Variants in MARCHF4 observed in about 807,000 individuals in gnomAD.
The protein encoded by MARCHF4 is membrane associated ring-CH-type finger 4, also known as E3 ubiquitin-protein ligase MARCHF4.
A neutral mutation model predicts 43.9 loss-of-function variants in MARCHF4; 14 were observed. The observed-to-expected ratio is 0.32, with a 90% CI of 0.21 to 0.50. The LOEUF (loss-of-function observed/expected upper bound fraction) is 0.50. Ranked by LOEUF, MARCHF4 falls within the 20% of genes least tolerant of loss-of-function variation. The probability of loss-of-function intolerance (pLI) is 0.98; values close to 1 mark genes in which losing one functional copy is unlikely to be tolerated. For synonymous variants in MARCHF4, 226 were observed against 213.3 expected, an observed-to-expected ratio of 1.06 and a Z score of -0.52; for missense variants, 468 against 536.7, an observed-to-expected ratio of 0.87 and a Z score of 1.27.
In MARCHF4 at chr2:216,369,645, C is replaced by T. The variant is rs1169056121; in HGVS notation, c.516+100G>A. On this transcript the variant is annotated intron_variant, in intron 1 of 3. Coordinates refer to ENST00000273067, the MANE Select transcript of MARCHF4 (RefSeq NM_020814.3). ...GGCTCTTAAACATAGAGTCCTCATA[C>T]TAAAGACAATATAACCGTTCCCCAG... The T allele has an allele frequency of 6.1e-6, 6 of 988,854 alleles. No individual in the cohort carries two copies. In the East Asian group the frequency reaches 1.5e-4, roughly 24 times the overall value. The allele number at this position is 988,854 out of a possible 1,614,324, so 61.3% of individuals were successfully genotyped here. A position where few individuals can be genotyped will look rare whatever the true frequency, so the allele number is the denominator to read the frequency against.
chr2:216,340,153 C>T (rs1302646911), intron 1 of MARCHF4, among the ~76,000 whole-genome samples: 1 of 152,170 alleles, frequency 6.6e-6, no homozygotes, highest in African/African-American at 2.4e-5. Context: ...CTGTTCAGAC[C>T]CATCCAATCC....
At chr2:216,349,392 C>T (rs911497830) in intron 1 of MARCHF4, among the ~76,000 whole-genome samples, 17 of 152,206 alleles carry the variant, frequency 1.1e-4, no homozygotes, top group African/African-American at 3.6e-4. Context: ...TGAGCCTCTG[C>T]GATTGCTAGG....
intron 1 of MARCHF4, among the ~76,000 whole-genome samples, chr2:216,307,881 A>C (rs1401102864): frequency 6.6e-6 from 1 of 152,040 alleles, no homozygotes; most frequent in African/African-American, 2.4e-5. Flanking sequence ...CCCTATCTCT[A>C]CAGAAAAATT....
At chr2:216,360,573 A>G (rs549496499) in intron 1 of MARCHF4, among the ~76,000 whole-genome samples, 8 of 152,270 alleles carry the variant, frequency 5.3e-5, no homozygotes, top group Non-Finnish European at 1.0e-4. Context: ...GAAAAGGCCA[A>G]ATATTTTGCC....
chr2:216,298,949 A>T (rs1463865485), intron 1 of MARCHF4, among the ~76,000 whole-genome samples: 1 of 152,168 alleles, frequency 6.6e-6, no homozygotes, highest in African/African-American at 2.4e-5. Flanking sequence ...CTTCAGGAGG[A>T]TGACACAAAT....
At chr2:216,297,789 A>G (rs1460690841) in intron 1 of MARCHF4, among the ~76,000 whole-genome samples, 1 of 151,966 alleles carries the variant, frequency 6.6e-6, no homozygotes, top group Non-Finnish European at 1.5e-5. Context: ...GTAAGCCACC[A>G]CACCCCTCCC....
rs2287562 is a variant in MARCHF4 at position 216,277,749 on chromosome 2, G to C, written c.788C>G (p.Ser263Trp). 7 of 1,614,160 alleles carry C rather than the reference G, an allele frequency of 4.3e-6. No homozygotes were observed. Among genetic ancestry groups the C allele is most frequent in the Non-Finnish European group, 5.9e-6 (7 of 1,180,008 alleles). Residue 263 changes from serine to tryptophan, a missense_variant, in exon 3 of 4, where the codon TCG (serine) becomes TGG (tryptophan). Ser to Trp is a radical substitution (Grantham distance 177, BLOSUM62 -3). This residue lies in a region of MARCHF4 where 158 missense variants were observed against 251.1 expected (regional missense o/e 0.63). Coordinates refer to ENST00000273067, the MANE Select transcript of MARCHF4 (RefSeq NM_020814.3). ...SWLIWSTFSP[S>W]ARWQRQDLLF... ...AAGGTCTTGGCGCTGCCATCTTGCC[G>C]AGGGGCTGAAAGTTGACCAGATGAG...
At chr2:216,326,176 A>G (rs2105967124) in intron 1 of MARCHF4, among the ~76,000 whole-genome samples, 1 of 152,234 alleles carries the variant, frequency 6.6e-6, no homozygotes, top group African/African-American at 2.4e-5. Context: ...TTCTCAAAAG[A>G]AGACATTTAT....
intron 1 of MARCHF4, among the ~76,000 whole-genome samples, chr2:216,290,380 C>A (rs1320434086): frequency 6.6e-6 from 1 of 151,974 alleles, no homozygotes; most frequent in African/African-American, 2.4e-5. Flanking sequence ...TCTAGGGGAA[C>A]CAAAAAGGCT....
At chr2:216,267,585 A>G (rs1372115829) in intron 3 of MARCHF4, among the ~76,000 whole-genome samples, 1 of 152,146 alleles carries the variant, frequency 6.6e-6, no homozygotes, top group African/African-American at 2.4e-5. Flanking sequence ...ATTTTTTTCT[A>G]TCTGCTGAAG....
At position 216,289,418 on chromosome 2, in the gene MARCHF4, C is replaced by T. The variant is rs553678456; in HGVS notation, c.517-5689G>A. Among the ~76,000 whole-genome samples, 9 of 152,286 alleles carry T rather than the reference C, an allele frequency of 5.9e-5. No individual in the cohort carries two copies. The South Asian group carries it at 1.4e-3, about 25-fold the overall frequency. ...CACTGCATACCCTAATAAACTTGCT[C>T]GTTTTTCTCTTGTTTATCTGTCTTT... On this transcript the variant is annotated intron_variant, in intron 1 of 3. Transcript: ENST00000273067.
At position 216,372,420 on chromosome 2, in the gene MARCHF4, G is replaced by A. The variant is rs1692784953; in HGVS notation, c.-2160C>T. ...ACGCAGACGCCGCGGAGGGATGGAG[G>A]AGGGAAAGGGGATGAGAGGAAAAGA... On this transcript the variant is annotated 5_prime_UTR_variant, in exon 1 of 4. Transcript: ENST00000273067. Among the ~76,000 whole-genome samples the A allele has an allele frequency of 6.6e-6, 1 of 152,188 alleles. No individual in the cohort carries two copies. The highest frequency in any genetic ancestry group is 2.4e-5 in the African/African-American group (1 of 41,450).
intron 1 of MARCHF4, among the ~76,000 whole-genome samples, chr2:216,301,652 G>C (rs1027004633): frequency 6.6e-6 from 1 of 152,136 alleles, no homozygotes; most frequent in African/African-American, 2.4e-5. Flanking sequence ...TTCTGCCATG[G>C]CAATTTCTGG....
At chr2:216,263,313 A>G (rs1284197132) in intron 3 of MARCHF4, among the ~76,000 whole-genome samples, 2 of 151,960 alleles carry the variant, frequency 1.3e-5, no homozygotes, top group African/African-American at 4.8e-5. Context: ...TGTAATCCCA[A>G]CTATTCAGGA....
chr2:216,305,773 TG>T (rs1691577022), intron 1 of MARCHF4, among the ~76,000 whole-genome samples: 1 of 152,228 alleles, frequency 6.6e-6, no homozygotes, highest in East Asian at 1.9e-4. Context: ...TGCATCATCC[TG>T]GTCATATAAA....
chr2:216,344,289 T>A (rs1227123920), intron 1 of MARCHF4, among the ~76,000 whole-genome samples: 2 of 152,148 alleles, frequency 1.3e-5, no homozygotes, highest in Non-Finnish European at 2.9e-5. Context: ...CAATACTTGC[T>A]CTTCCTCTAC....
At chr2:216,300,140 C>T (rs1574468231) in intron 1 of MARCHF4, among the ~76,000 whole-genome samples, 2 of 152,144 alleles carry the variant, frequency 1.3e-5, no homozygotes, top group East Asian at 3.9e-4. Context: ...TTGGGCAATT[C>T]CCTTAGCCTC....
intron 1 of MARCHF4, among the ~76,000 whole-genome samples, chr2:216,343,756 A>G (rs1188616429): frequency 1.3e-5 from 2 of 152,242 alleles, no homozygotes; most frequent in African/African-American, 4.8e-5. Flanking sequence ...GCAGCTCAGA[A>G]ATGTCCAACA....
chr2:216,319,603 A>G (rs531655439), intron 1 of MARCHF4, among the ~76,000 whole-genome samples: 2 of 152,224 alleles, frequency 1.3e-5, no homozygotes, highest in African/African-American at 4.8e-5. Flanking sequence ...AGAGAGTTTG[A>G]TAATTAAAGA....
Sources: allele counts gnomAD v4.1 joint callset (sites outside exome capture counted in the v4.1 genomes callset), GRCh38; gene constraint gnomAD v4.1.1; regional missense constraint gnomAD v4.1.1; transcripts MANE v1.5; gene names NCBI Gene and HGNC (gene_info 2026-07-23, HGNC 2026-07-21).